TRHDE: variants seen among roughly 807,000 people sequenced by gnomAD.
The protein encoded by TRHDE is thyrotropin releasing hormone degrading enzyme.
Under a neutral mutation model 125.7 loss-of-function variants are expected in TRHDE, and 72 were observed. The observed-to-expected ratio is 0.57, with a 90% confidence interval of 0.47 to 0.70. TRHDE has a LOEUF of 0.70. TRHDE is among the 30% of genes least tolerant of loss of function. The pLI, the probability that TRHDE is intolerant of heterozygous loss-of-function variation, is 0.00. For synonymous variants in TRHDE, 509 were observed against 509.1 expected (o/e 1.00, Z 0.00); for missense variants, 1,110 against 1,327.1 (o/e 0.84, Z 2.54).
intron 15 of TRHDE, among the ~76,000 whole-genome samples, chr12:72,625,526 C>T (rs2136082230): frequency 6.6e-6 from 1 of 151,870 alleles, no homozygotes; most frequent in Non-Finnish European, 1.5e-5. Context: ...TTGCAACATA[C>T]ATAATACATG....
At chr12:72,457,903 A>G (rs924926341) in intron 3 of TRHDE, among the ~76,000 whole-genome samples, 1 of 152,070 alleles carries the variant, frequency 6.6e-6, no homozygotes, top group African/African-American at 2.4e-5. Context: ...TATTGTTTTC[A>G]TACTCCCTTC....
chr12:72,112,848 T>C (rs1237092943), intron 2 of TRHDE, among the ~76,000 whole-genome samples: 3 of 152,164 alleles, frequency 2.0e-5, no homozygotes, highest in Admixed American at 2.0e-4. Context: ...TTTTTAGCCA[T>C]GTGATCGTTT....
chr12:72,167,831 G>C (rs557962843), intron 2 of TRHDE, among the ~76,000 whole-genome samples: 1 of 152,314 alleles, frequency 6.6e-6, no homozygotes, highest in African/African-American at 2.4e-5. Flanking sequence ...ATAGCATTTT[G>C]TTTCTTGCTG....
intron 2 of TRHDE, among the ~76,000 whole-genome samples, chr12:72,170,162 G>A (rs889230979): frequency 2.0e-5 from 3 of 152,304 alleles, no homozygotes; most frequent in South Asian, 2.1e-4. Context: ...CCATTTAAGG[G>A]TGGATTACAA....
intron 2 of TRHDE, among the ~76,000 whole-genome samples, chr12:72,136,224 C>T (rs948040765): frequency 6.6e-6 from 1 of 152,106 alleles, no homozygotes; most frequent in Non-Finnish European, 1.5e-5. Flanking sequence ...TTTTAAAAAA[C>T]GTGCACTGTA....
upstream of TRHDE, chr12:72,272,354 C>A: frequency 1.1e-5 from 4 of 364,242 alleles, no homozygotes; most frequent in Non-Finnish European, 1.6e-5. This position sits in a 1 kb window ranked among gnomAD's most constrained non-coding sequence, Gnocchi z 6.7. Context: ...TGTGCCCCGC[C>A]GCCGGGTGCT....
intron 3 of TRHDE, among the ~76,000 whole-genome samples, chr12:72,457,186 G>C (rs1242242126): frequency 6.6e-6 from 1 of 152,116 alleles, no homozygotes; most frequent in African/African-American, 2.4e-5. Context: ...ATATAAAAAA[G>C]ATAAAGTATT....
intron 2 of TRHDE, among the ~76,000 whole-genome samples, chr12:72,198,942 A>G (rs1877499211): frequency 6.6e-6 from 1 of 151,964 alleles, no homozygotes; most frequent in Non-Finnish European, 1.5e-5. Flanking sequence ...GGAGAGAGAG[A>G]GAGAGAGAGA....
chr12:72,615,176 G>A (rs1471404157), intron 12 of TRHDE, among the ~76,000 whole-genome samples: 1 of 152,026 alleles, frequency 6.6e-6, no homozygotes, highest in Non-Finnish European at 1.5e-5. Flanking sequence ...CACTCCAATA[G>A]TAGGGAAGAA....
In TRHDE at chr12:72,272,478, T is replaced by C. The variant is rs1420683643; in HGVS notation, c.-166T>C. The stretch of plus-strand genomic sequence containing the variant: ...CGGGGCTGATGGGGGTCGCGGAAGC[T>C]GCCGTCGCTTGTGTCCAGAACCCGT... On this transcript the variant is annotated 5_prime_UTR_variant, in exon 1 of 19. Transcript: ENST00000261180. The surrounding 1 kb of genome is among the most constrained non-coding windows in gnomAD (Gnocchi z 6.7). 1 of 522,656 alleles carries C rather than the reference T, an allele frequency of 1.9e-6. No individual in the cohort carries two copies. Among genetic ancestry groups the C allele is most frequent in the South Asian group, 2.4e-5 (1 of 41,868 alleles). The allele number at this position is 522,656 out of a possible 1,614,324, so 32.4% of individuals were successfully genotyped here.
intron 2 of TRHDE, chr12:72,256,086 A>C (rs1878808135): frequency 6.6e-6 from 1 of 152,166 alleles, no homozygotes; most frequent in Non-Finnish European, 1.5e-5. Context: ...ACAATAGGTC[A>C]TGTCATTCCT....
chr12:72,617,634 C>T (rs1001955772), intron 12 of TRHDE, among the ~76,000 whole-genome samples: 3 of 147,598 alleles, frequency 2.0e-5, no homozygotes, highest in Non-Finnish European at 4.4e-5. Context: ...GTTGATTTGT[C>T]GTAGTCTGTT....
intron 2 of TRHDE, among the ~76,000 whole-genome samples, chr12:72,322,967 T>G (rs1869167473): frequency 6.6e-6 from 1 of 152,138 alleles, no homozygotes; most frequent in Admixed American, 6.6e-5. Context: ...TTAGCCATTT[T>G]CACTATCTTG....
At chr12:72,252,326 T>C (rs1878703171) in intron 2 of TRHDE, among the ~76,000 whole-genome samples, 1 of 152,118 alleles carries the variant, frequency 6.6e-6, no homozygotes, top group Non-Finnish European at 1.5e-5. Flanking sequence ...AAGGTTGATG[T>C]TCTCTTTTTC....
intron 2 of TRHDE, among the ~76,000 whole-genome samples, chr12:72,245,950 TACA>T (rs1163526292): frequency 6.6e-6 from 1 of 152,184 alleles, no homozygotes; most frequent in Non-Finnish European, 1.5e-5. Context: ...TTATTCTAAC[TACA>T]ACAATGTACA....
chr12:72,403,807 A>T (rs1218283359), intron 3 of TRHDE, among the ~76,000 whole-genome samples: 1 of 152,168 alleles, frequency 6.6e-6, no homozygotes, highest in Admixed American at 6.5e-5. Flanking sequence ...TCAGAATAGC[A>T]GAAGTCAACA....
At chr12:72,371,587 T>G (rs1197043454) in intron 2 of TRHDE, among the ~76,000 whole-genome samples, 2 of 151,150 alleles carry the variant, frequency 1.3e-5, no homozygotes, top group Non-Finnish European at 2.9e-5. Flanking sequence ...TTCCCCTTCC[T>G]GTGTCCATGT....
chr12:72,171,595 C>G (rs778707767), intron 2 of TRHDE, among the ~76,000 whole-genome samples: 7 of 152,018 alleles, frequency 4.6e-5, no homozygotes, highest in Non-Finnish European at 1.0e-4. Context: ...GAGGGTGCGC[C>G]TATATTTGTG....
At chr12:72,588,909 G>T (rs1257534463) in intron 12 of TRHDE, among the ~76,000 whole-genome samples, 1 of 152,142 alleles carries the variant, frequency 6.6e-6, no homozygotes, top group African/African-American at 2.4e-5. Context: ...TCACAAGGTG[G>T]TAGGAAAAGG....
Sources: allele counts gnomAD v4.1 joint callset (sites outside exome capture counted in the v4.1 genomes callset), GRCh38; gene constraint gnomAD v4.1.1; non-coding constraint Gnocchi (gnomAD v3.1); transcripts MANE v1.5; gene names NCBI Gene and HGNC (gene_info 2026-07-23, HGNC 2026-07-21).